Variants in ZBP1 observed in about 807,000 individuals in gnomAD.
ZBP1 encodes Z-DNA-binding protein 1.
Under a neutral mutation model 41.1 loss-of-function variants are expected in ZBP1, and 42 were observed. The ratio of observed to expected loss-of-function variants is 1.02; its 90% CI spans 0.80 to 1.32. The LOEUF (loss-of-function observed/expected upper bound fraction) is 1.32. ZBP1 is among the 40% of genes most tolerant of loss of function. The probability of loss-of-function intolerance (pLI) is 0.00; values close to 1 mark genes in which losing one functional copy is unlikely to be tolerated. For missense variants in ZBP1, 562 were observed against 549.7 expected (o/e 1.02, Z -0.22); for synonymous variants, 214 against 205.2 (o/e 1.04, Z -0.37).
At chr20:57,605,146 C>T (rs1278604309) in intron 7 of ZBP1, among the ~76,000 whole-genome samples, 1 of 135,728 alleles carries the variant, frequency 7.4e-6, no homozygotes, top group Non-Finnish European at 1.7e-5. Flanking sequence ...AAACAAAAAC[C>T]ATTCCAGGCC....
chr20:57,608,373 C>T (rs372155340), intron 7 of ZBP1, among the ~76,000 whole-genome samples: 2 of 152,222 alleles, frequency 1.3e-5, no homozygotes, highest in Non-Finnish European at 1.5e-5. Context: ...CCACCTGCCT[C>T]GGCCTCCCAA....
intron 7 of ZBP1, among the ~76,000 whole-genome samples, chr20:57,608,629 T>C (rs1314695047): frequency 6.6e-6 from 1 of 152,244 alleles, no homozygotes; most frequent in Non-Finnish European, 1.5e-5. Context: ...AGGAAGTCCA[T>C]GCTCCCAGAT....
At chr20:57,619,435 T>G (rs960063505) in intron 1 of ZBP1, among the ~76,000 whole-genome samples, 1 of 152,194 alleles carries the variant, frequency 6.6e-6, no homozygotes, top group African/African-American at 2.4e-5. Context: ...AAAACCACAC[T>G]TCACCTACAG....
rs761779359 is a variant in ZBP1 at position 57,613,042 on chromosome 20, C to T, written c.670+121G>A. ...AAGGTGGACTGTGGGGGTCTGGAAG[C>T]AACCCTTTCCCCTTGGAGGGCAGAA... On this transcript the variant is annotated intron_variant, in intron 5 of 7. Transcript: ENST00000371173. This position sits in a 1 kb window ranked among gnomAD's most constrained non-coding sequence, Gnocchi z 4.5. 13 of 1,532,412 alleles carry T rather than the reference C, an allele frequency of 8.5e-6. No homozygotes were observed. Among genetic ancestry groups the T allele is most frequent in the African/African-American group, 1.4e-5 (1 of 72,956 alleles). The allele number at this position is 1,532,412 out of a possible 1,614,324, so 94.9% of individuals were successfully genotyped here.
chr20:57,610,337 G>A lies in ZBP1; in HGVS notation c.905C>T (p.Ser302Leu), dbSNP rs147660947. 1.4e-4 allele frequency: 228 copies of A among 1,614,158 alleles called. No homozygotes were observed. The Middle Eastern group carries it at 1.6e-3, about 12-fold the overall frequency. ...VSATAAGPEASFEARIPSPGT... is the reference protein window; with the variant it reads ...VSATAAGPEALFEARIPSPGT... ...TGGACTGGGAATTCTTGCTTCAAAC[G>A]AAGCTTCTGGGCCGGCAGCAGTGGC... is the stretch of plus-strand genomic sequence containing the variant. The change falls in exon 7 of 8, where the codon TCG (serine) becomes TTG (leucine). Residue 302 changes from serine (S) to leucine (L), a missense_variant. Ser to Leu is a moderately radical substitution (Grantham distance 145, BLOSUM62 -2). Coordinates refer to ENST00000371173, the MANE Select transcript of ZBP1 (RefSeq NM_030776.3). This position sits in a 1 kb window ranked among gnomAD's most constrained non-coding sequence, Gnocchi z 5.5.
intron 7 of ZBP1, among the ~76,000 whole-genome samples, chr20:57,606,270 C>T (rs1488105233): frequency 6.6e-6 from 1 of 152,244 alleles, no homozygotes; most frequent in Non-Finnish European, 1.5e-5. Flanking sequence ...ACCTAAGCCT[C>T]GTCTAGGGCA....
At chr20:57,614,761 G>T in intron 4 of ZBP1, 126 bp downstream of exon 4, 1 of 1,283,386 alleles carries the variant, frequency 7.8e-7, no homozygotes, top group South Asian at 1.4e-5. Context: ...GCAGTGAATT[G>T]TCGGTAGGAC....
At chr20:57,619,342 C>A (rs2070936867) in intron 1 of ZBP1, among the ~76,000 whole-genome samples, 1 of 152,210 alleles carries the variant, frequency 6.6e-6, no homozygotes, top group Non-Finnish European at 1.5e-5. Flanking sequence ...TCAGGTTCCT[C>A]TTCTGTGAAA....
Position 57,615,457 on chromosome 20 carries a change from T to C in ZBP1, c.328+55A>G, listed in dbSNP as rs754833578. 4.4e-6 allele frequency: 7 copies of C among 1,582,778 alleles called. 1 individual carries two copies. Among genetic ancestry groups the C allele is most frequent in the Non-Finnish European group, 6.1e-6 (7 of 1,152,690 alleles). On this transcript the variant is annotated intron_variant, in intron 3 of 7. Transcript: ENST00000371173. ...TGTACCCTCAAGGAGGGCCTGGGGT[T>C]CCTGGGGAGTGGGATCCTGTGTCCC...
intron 7 of ZBP1, chr20:57,607,045 T>C (rs2070515898): frequency 7.7e-7 from 1 of 1,295,644 alleles, no homozygotes; most frequent in Admixed American, 2.3e-5. Flanking sequence ...AAGGAGTAAC[T>C]TCAACATTCA....
Position 57,604,307 on chromosome 20 carries a change from C to G in ZBP1, c.*266G>C. ...GAGAGAGTCCCCTGGGCCTGGGGGA[C>G]CGAGCCCCACTCCCATCTACCCACC... On this transcript the variant is annotated 3_prime_UTR_variant, in exon 8 of 8. Coordinates refer to ENST00000371173, the MANE Select transcript of ZBP1 (RefSeq NM_030776.3). 1 of 613,166 alleles carries G rather than the reference C, an allele frequency of 1.6e-6. No individual in the cohort carries two copies. The highest frequency in any genetic ancestry group is 1.8e-5 in the African/African-American group (1 of 55,306). 38.0% of individuals were successfully genotyped at this position (613,166 alleles called of 1,614,324 possible). A position where few individuals can be genotyped will look rare whatever the true frequency, so the allele number is the denominator to read the frequency against.
At position 57,616,331 on chromosome 20, in the gene ZBP1, C is replaced by T. The variant is rs34917164; in HGVS notation, c.172G>A (p.Val58Ile). The T allele has an allele frequency of 4.3e-6, 7 of 1,614,064 alleles. No individual in the cohort carries two copies. Among genetic ancestry groups the T allele is most frequent in the Admixed American group, 3.3e-5 (2 of 60,000 alleles). ...CAGGTGGCAGGGGATGTGAGGGAGA[C>T]TTTCAACTCCTTTTTCATTCGGTAG... is the stretch of plus-strand genomic sequence containing the variant. ...VLYRMKKELKVSLTSPATWCL... is the reference protein window; with the variant it reads ...VLYRMKKELKISLTSPATWCL... The change falls in exon 2 of 8, where the codon GTC becomes ATC. Residue 58 changes from valine (V) to isoleucine (I), a missense_variant. Transcript: ENST00000371173.
intron 7 of ZBP1, chr20:57,607,435 C>T (rs2070525363): frequency 1.8e-6 from 2 of 1,134,736 alleles, no homozygotes; most frequent in Admixed American, 3.7e-5. Context: ...AAAGTGGTTT[C>T]TTGAGATGGC....
At chr20:57,619,888 G>A (rs996194719) in intron 1 of ZBP1, among the ~76,000 whole-genome samples, 1 of 150,984 alleles carries the variant, frequency 6.6e-6, no homozygotes, top group Non-Finnish European at 1.5e-5. Context: ...CCAGTCTGGA[G>A]TGCAATGGCG....
At position 57,613,480 on chromosome 20, in the gene ZBP1, G is replaced by C; in HGVS notation, c.503-150C>G. 2.5e-6 allele frequency: 2 copies of C among 810,880 alleles called. No individual in the cohort carries two copies. The highest frequency in any genetic ancestry group is 4.0e-6 in the Non-Finnish European group (2 of 505,510). The allele number at this position is 810,880 out of a possible 1,614,324, so 50.2% of individuals were successfully genotyped here. Reference sequence around the variant, plus strand: ...TAGGGCCAAGTGGGAGGCCAGAGCTGGGTGTTTAACAGACACCACAGGTAC... The same window carrying C: ...TAGGGCCAAGTGGGAGGCCAGAGCTCGGTGTTTAACAGACACCACAGGTAC... On this transcript the variant is annotated intron_variant, in intron 4 of 7. Coordinates refer to ENST00000371173, the MANE Select transcript of ZBP1 (RefSeq NM_030776.3). This position sits in a 1 kb window ranked among gnomAD's most constrained non-coding sequence, Gnocchi z 4.5.
rs749214112 is a variant in ZBP1, at chr20:57,603,969, A to G, written c.*604T>C. ...TGGAAGCTCCACCTCCCGGGTTCAC[A>G]CCATTCTCCTCCCTCAGCCTCCGGA... is the stretch of plus-strand genomic sequence containing the variant. On this transcript the variant is annotated 3_prime_UTR_variant, in exon 8 of 8. Transcript: ENST00000371173. This position sits in a 1 kb window ranked among gnomAD's most constrained non-coding sequence, Gnocchi z 4.6. 4.4e-5 allele frequency: 8 copies of G among 180,820 alleles called. No homozygotes were observed. Among genetic ancestry groups the G allele is most frequent in the Admixed American group, 6.2e-5 (1 of 16,026 alleles). 11.2% of individuals were successfully genotyped at this position (180,820 alleles called of 1,614,324 possible). A position where few individuals can be genotyped will look rare whatever the true frequency, so the allele number is the denominator to read the frequency against.
intron 7 of ZBP1, among the ~76,000 whole-genome samples, chr20:57,606,775 G>T (rs2070507933): frequency 6.6e-6 from 1 of 152,150 alleles, no homozygotes; most frequent in Non-Finnish European, 1.5e-5. Flanking sequence ...TATATAGCTT[G>T]GTTTACTGAA....
At chr20:57,614,215 A>G (rs1167161808) in intron 4 of ZBP1, among the ~76,000 whole-genome samples, 3 of 151,934 alleles carry the variant, frequency 2.0e-5, no homozygotes, top group Non-Finnish European at 4.4e-5. Flanking sequence ...TTGTATTTTT[A>G]GTAGAGACGG....
chr20:57,610,661 C>G lies in ZBP1; in HGVS notation c.875-294G>C. On this transcript the variant is annotated intron_variant, in intron 6 of 7. Transcript: ENST00000371173. This position sits in a 1 kb window ranked among gnomAD's most constrained non-coding sequence, Gnocchi z 5.5. Reference sequence around the variant, plus strand: ...TCTTCCTCTGGGATTCAGCTCCTCTCTCCTCTGCTGCCTGCTTCCCACTGC... The same window carrying G: ...TCTTCCTCTGGGATTCAGCTCCTCTGTCCTCTGCTGCCTGCTTCCCACTGC... 6.0e-6 allele frequency: 3 copies of G among 496,576 alleles called. No individual in the cohort carries two copies. Among genetic ancestry groups the G allele is most frequent in the Middle Eastern group, 5.5e-4 (1 of 1,822 alleles). The allele number at this position is 496,576 out of a possible 1,614,324, so 30.8% of individuals were successfully genotyped here. A position where few individuals can be genotyped will look rare whatever the true frequency, so the allele number is the denominator to read the frequency against.
Sources: allele counts gnomAD v4.1 joint callset (sites outside exome capture counted in the v4.1 genomes callset), GRCh38; gene constraint gnomAD v4.1.1; non-coding constraint Gnocchi (gnomAD v3.1); transcripts MANE v1.5; gene names NCBI Gene and HGNC (gene_info 2026-07-23, HGNC 2026-07-21).